The following SRGAP3 variants were observed in gnomAD, a reference collection of about 807,000 sequenced individuals.
SRGAP3 encodes SLIT-ROBO Rho GTPase activating protein 3, also known as SLIT-ROBO Rho GTPase-activating protein 3.
In SRGAP3, 39 loss-of-function variants were observed where a neutral mutation model predicts 121.1. The observed-to-expected ratio is 0.32, with a 90% CI of 0.25 to 0.42. The LOEUF is 0.42. SRGAP3 is among the 10% of genes least tolerant of loss of function. The probability of loss-of-function intolerance (pLI) is 1.00; values close to 1 mark genes in which losing one functional copy is unlikely to be tolerated. For synonymous variants in SRGAP3, 601 were observed against 570.0 expected (o/e 1.05, Z -0.77); for missense variants, 1,213 against 1,470.6 (o/e 0.82, Z 2.86).
chr3:9,078,884 AG>A (rs1947105328), intron 4 of SRGAP3, among the ~76,000 whole-genome samples: 1 of 152,168 alleles, frequency 6.6e-6, no homozygotes, highest in African/African-American at 2.4e-5. Flanking sequence ...AAGAACTCTC[AG>A]CCCCGTTTTA....
At chr3:9,192,389 G>C (rs1352974815) in intron 1 of SRGAP3, 1 of 152,216 alleles carries the variant, frequency 6.6e-6, no homozygotes, top group Non-Finnish European at 1.5e-5. Flanking sequence ...GGCATGCAGG[G>C]GTTGCATAGA....
chr3:9,058,114 G>C, intron 7 of SRGAP3, 137 bp downstream of exon 7: 1 of 898,326 alleles, frequency 1.1e-6, no homozygotes, highest in South Asian at 1.4e-5. Context: ...CCTCAGCTGG[G>C]GAAGCCCATG....
intron 1 of SRGAP3, among the ~76,000 whole-genome samples, chr3:9,145,735 C>T (rs1419925126): frequency 6.6e-6 from 1 of 152,146 alleles, no homozygotes; most frequent in Non-Finnish European, 1.5e-5. Context: ...AGGAAAGGAA[C>T]TCAGGAAGTA....
chr3:9,343,182 G>A (rs1349850279), intron 1 of SRGAP3, among the ~76,000 whole-genome samples: 1 of 152,190 alleles, frequency 6.6e-6, no homozygotes, highest in Non-Finnish European at 1.5e-5. Flanking sequence ...AGCTAAACAA[G>A]CTGGAAAGCC....
chr3:9,214,739 A>G (rs1952558265), intron 1 of SRGAP3, among the ~76,000 whole-genome samples: 2 of 152,224 alleles, frequency 1.3e-5, no homozygotes, highest in South Asian at 4.1e-4. Flanking sequence ...CAGATGAAGG[A>G]CCAGGAATTT....
intron 1 of SRGAP3, among the ~76,000 whole-genome samples, chr3:9,202,485 A>T (rs1176215751): frequency 6.6e-6 from 1 of 152,172 alleles, no homozygotes; most frequent in Non-Finnish European, 1.5e-5. Context: ...TGCACAGGAT[A>T]CCACTCTGAT....
At chr3:9,181,891 T>C (rs1352461132) in intron 1 of SRGAP3, among the ~76,000 whole-genome samples, 1 of 152,122 alleles carries the variant, frequency 6.6e-6, no homozygotes, top group Non-Finnish European at 1.5e-5. Flanking sequence ...GGGTCTTACA[T>C]GGGCTGGGGA....
At chr3:9,057,533 T>C (rs531194726) in intron 7 of SRGAP3, among the ~76,000 whole-genome samples, 2 of 152,290 alleles carry the variant, frequency 1.3e-5, no homozygotes, top group African/African-American at 4.8e-5. Flanking sequence ...TCTTCTCGGA[T>C]GCCTCCTTGC....
At chr3:9,099,539 A>G (rs417928) in intron 3 of SRGAP3, among the ~76,000 whole-genome samples, 69,163 of 152,124 alleles carry the variant, frequency 0.45, 16,128 homozygotes, top group African/African-American at 0.55. Context: ...AGCACATGGG[A>G]TAGTGGCTTT....
chr3:9,015,336 C>T (rs1017643315), intron 15 of SRGAP3, among the ~76,000 whole-genome samples: 1 of 152,200 alleles, frequency 6.6e-6, no homozygotes, highest in South Asian at 2.1e-4. Flanking sequence ...TCCCAGCACT[C>T]TCTCTTGGCT....
chr3:9,187,747 T>TC (rs1175476788), intron 1 of SRGAP3, among the ~76,000 whole-genome samples: 1 of 152,046 alleles, frequency 6.6e-6, no homozygotes, highest in Non-Finnish European at 1.5e-5. Flanking sequence ...TCCACCAGGG[T>TC]CTTACCCTCA....
At chr3:9,348,908 G>A in intron 1 of SRGAP3, 1 of 1,022,302 alleles carries the variant, frequency 9.8e-7, no homozygotes. Flanking sequence ...GAGTCTGAAG[G>A]ACACTATTGC....
chr3:9,317,238 T>C (rs1955364325), intron 3 of SRGAP3, among the ~76,000 whole-genome samples: 1 of 152,184 alleles, frequency 6.6e-6, no homozygotes, highest in South Asian at 2.1e-4. Context: ...CACGCTCCCA[T>C]TGTAAATTCC....
chr3:9,247,297 A>G (rs1953858934), intron 1 of SRGAP3, among the ~76,000 whole-genome samples: 1 of 152,162 alleles, frequency 6.6e-6, no homozygotes, highest in South Asian at 2.1e-4. Flanking sequence ...CTAAATTTTC[A>G]GCAAGGCTGA....
At chr3:9,175,493 G>A (rs1005197939) in intron 1 of SRGAP3, among the ~76,000 whole-genome samples, 5 of 152,202 alleles carry the variant, frequency 3.3e-5, no homozygotes, top group African/African-American at 1.2e-4. Flanking sequence ...TTCCCCTGAG[G>A]GAAGACACAG....
Position 9,090,204 on chromosome 3 carries a change from G to A in SRGAP3, c.424-10117C>T, listed in dbSNP as rs147971208. On this transcript the variant is annotated intron_variant, in intron 3 of 21. Transcript: ENST00000383836. ...CAGCTTTCAAAGAGTTCCTGCAAAAGGACTAATTTCCCAACAATTAGAGCA... is the reference window on the plus strand; with the variant it reads ...CAGCTTTCAAAGAGTTCCTGCAAAAAGACTAATTTCCCAACAATTAGAGCA... Among the ~76,000 whole-genome samples the A allele has an allele frequency of 1.4e-4, 21 of 152,218 alleles. No homozygotes were observed. The East Asian group carries it at 3.7e-3, about 27-fold the overall frequency.
intron 4 of SRGAP3, among the ~76,000 whole-genome samples, chr3:9,076,539 G>C (rs779338393): frequency 4.6e-5 from 7 of 152,130 alleles, no homozygotes; most frequent in Non-Finnish European, 8.8e-5. Context: ...TGATCAGTGT[G>C]CACTGCTGTG....
chr3:9,023,043 C>A (rs1944002932), intron 14 of SRGAP3, among the ~76,000 whole-genome samples: 1 of 152,144 alleles, frequency 6.6e-6, no homozygotes, highest in Non-Finnish European at 1.5e-5. Flanking sequence ...GCAGTGCTAC[C>A]AGAGTAGGGA....
intron 11 of SRGAP3, chr3:9,035,061 A>G (rs1944681187): frequency 6.6e-6 from 1 of 152,188 alleles, no homozygotes; most frequent in African/African-American, 2.4e-5. Flanking sequence ...AAGGTCACAC[A>G]AATAAAATGT....
Sources: allele counts gnomAD v4.1 joint callset (sites outside exome capture counted in the v4.1 genomes callset), GRCh38; gene constraint gnomAD v4.1.1; transcripts MANE v1.5; gene names NCBI Gene and HGNC (gene_info 2026-07-23, HGNC 2026-07-21).